TPD52L2: variants seen among roughly 807,000 people sequenced by gnomAD.
TPD52L2 encodes the protein TPD52 like 2.
TPD52L2 carries 19 observed loss-of-function variants against 24.7 expected under a neutral mutation model. The observed-to-expected ratio is 0.77, with a 90% confidence interval of 0.54 to 1.13. The LOEUF is 1.13. Ranked by LOEUF, TPD52L2 falls within the 50% of genes most tolerant of loss-of-function variation. TPD52L2 has a pLI of 0.00. For missense variants in TPD52L2, 236 were observed against 250.4 expected, an observed-to-expected ratio of 0.94 and a Z score of 0.39; for synonymous variants, 104 against 100.2, an observed-to-expected ratio of 1.04 and a Z score of -0.23.
intron 2 of TPD52L2, 29 bp downstream of exon 2, chr20:63,869,470 G>C (rs1171621026): frequency 6.2e-7 from 1 of 1,611,206 alleles, no homozygotes; most frequent in Non-Finnish European, 8.5e-7. Flanking sequence ...CTGTCCTGGG[G>C]TGAATTGGAG....
rs2146227547 is a variant in TPD52L2 at position 63,882,669 on chromosome 20, G to T, written c.375-50G>T. 2.7e-6 allele frequency: 4 copies of T among 1,477,634 alleles called. 1 individual carries two copies. The East Asian group carries it at 9.1e-5, about 33-fold the overall frequency. The allele number at this position is 1,477,634 out of a possible 1,614,324, so 91.5% of individuals were successfully genotyped here. A position where few individuals can be genotyped will look rare whatever the true frequency, so the allele number is the denominator to read the frequency against. ...CAGTGCTTTGTTTGCTTGGCTGTGGGTGGTGACCCGCCCATGCTGTCTGGT... is the reference window on the plus strand; with the variant it reads ...CAGTGCTTTGTTTGCTTGGCTGTGGTTGGTGACCCGCCCATGCTGTCTGGT... On this transcript the variant is annotated intron_variant, in intron 4 of 6. Coordinates refer to ENST00000346249, the MANE Select transcript of TPD52L2 (RefSeq NM_003288.4).
chr20:63,882,111 G>A (rs534605720), intron 4 of TPD52L2, among the ~76,000 whole-genome samples: 8 of 152,374 alleles, frequency 5.3e-5, no homozygotes, highest in African/African-American at 1.7e-4. Context: ...GAAGGCACAC[G>A]GGGCCCCGCC....
At chr20:63,874,054 T>A (rs1293713611) in intron 3 of TPD52L2, among the ~76,000 whole-genome samples, 2 of 152,062 alleles carry the variant, frequency 1.3e-5, no homozygotes, top group Admixed American at 1.3e-4. Flanking sequence ...TTGTGTACTT[T>A]ATTATTATTT....
chr20:63,868,644 T>TA (rs111756675), intron 1 of TPD52L2, among the ~76,000 whole-genome samples: 4 of 152,258 alleles, frequency 2.6e-5, no homozygotes, highest in Non-Finnish European at 2.9e-5. Context: ...TTCCTTTTTT[T>TA]AAAAAAAGTG....
chr20:63,865,523 G>C, intron 1 of TPD52L2, 139 bp downstream of exon 1: 1 of 1,156,282 alleles, frequency 8.6e-7, no homozygotes, highest in Non-Finnish European at 1.2e-6. Context: ...AGCTCCCGGG[G>C]CCACTGACCT....
intron 1 of TPD52L2, among the ~76,000 whole-genome samples, chr20:63,868,217 G>C (rs1230474463): frequency 6.6e-6 from 1 of 152,196 alleles, no homozygotes; most frequent in East Asian, 1.9e-4. Flanking sequence ...CTGGCAGTAA[G>C]CCTGTTTCTT....
intron 5 of TPD52L2, chr20:63,888,879 C>T (rs557959046): frequency 1.1e-5 from 5 of 437,326 alleles, no homozygotes; most frequent in African/African-American, 3.9e-5. Flanking sequence ...AACCTCAGTA[C>T]GAGAGCCCGG....
intron 5 of TPD52L2, 183 bp from the exon 6 acceptor site, chr20:63,889,007 G>A (rs34748855): frequency 0.076 from 48,188 of 630,618 alleles, 2,273 homozygotes; most frequent in Middle Eastern, 0.11. Context: ...GGGCATGGCC[G>A]ACCTCACTTT....
intron 2 of TPD52L2, among the ~76,000 whole-genome samples, chr20:63,869,940 C>T (rs1043739355): frequency 6.6e-6 from 1 of 152,120 alleles, no homozygotes; most frequent in Non-Finnish European, 1.5e-5. Flanking sequence ...TGAGAGCAGC[C>T]TGGGCAACAC....
intron 3 of TPD52L2, among the ~76,000 whole-genome samples, chr20:63,875,141 CAA>C (rs869224477): frequency 0.013 from 1,677 of 131,828 alleles, 30 homozygotes; most frequent in African/African-American, 0.044. Flanking sequence ...GACTCTGTCT[CAA>C]AAAAAAAAAA....
intron 5 of TPD52L2, chr20:63,885,909 C>A: frequency 1.7e-6 from 2 of 1,193,250 alleles, no homozygotes; most frequent in Non-Finnish European, 2.5e-6. Flanking sequence ...CCTGACTGAG[C>A]ACGAGCAGGG....
chr20:63,869,524 G>T (rs755138218), intron 2 of TPD52L2, 83 bp downstream of exon 2: 73 of 1,549,062 alleles, frequency 4.7e-5, no homozygotes, highest in Non-Finnish European at 6.2e-5. Context: ...TACTGGCCAC[G>T]CTCGGGAGGA....
rs760201118 is a variant in TPD52L2, at chr20:63,877,993, G to C, written c.374+2118G>C. On this transcript the variant is annotated intron_variant, in intron 4 of 6. Coordinates refer to ENST00000346249, the MANE Select transcript of TPD52L2 (RefSeq NM_003288.4). This position sits in a 1 kb window ranked among gnomAD's most constrained non-coding sequence, Gnocchi z 4.1. Reference sequence around the variant, plus strand: ...GGCCGAGGGCGGTGGTTTCTGCCGGGACGGCCCAGACGGAAGGGATGCGGC... The same window carrying C: ...GGCCGAGGGCGGTGGTTTCTGCCGGCACGGCCCAGACGGAAGGGATGCGGC... Among the ~76,000 whole-genome samples, 103 of 152,412 alleles carry C rather than the reference G, an allele frequency of 6.8e-4. No homozygotes were observed. The highest frequency in any genetic ancestry group is 1.0e-3 in the Non-Finnish European group (71 of 68,046).
chr20:63,866,055 C>T (rs1443200000), intron 1 of TPD52L2, among the ~76,000 whole-genome samples: 4 of 152,176 alleles, frequency 2.6e-5, no homozygotes, highest in Non-Finnish European at 5.9e-5. Flanking sequence ...AAAAGTCTGC[C>T]TTGCATTTTG....
intron 4 of TPD52L2, among the ~76,000 whole-genome samples, chr20:63,881,473 C>T (rs2052896895): frequency 6.6e-6 from 1 of 152,188 alleles, no homozygotes; most frequent in Non-Finnish European, 1.5e-5. Context: ...GTCACACACT[C>T]TTGTCAACTG....
intron 6 of TPD52L2, 147 bp downstream of exon 6, chr20:63,889,385 T>C: frequency 2.6e-6 from 2 of 776,398 alleles, no homozygotes; most frequent in Admixed American, 2.1e-5. Flanking sequence ...TACACAGTTC[T>C]CTCCTGTGAC....
chr20:63,871,923 C>T (rs886705704), intron 2 of TPD52L2, among the ~76,000 whole-genome samples: 12 of 151,848 alleles, frequency 7.9e-5, no homozygotes, highest in African/African-American at 2.2e-4. Context: ...CATGAGCTAT[C>T]GTACCCGGCC....
chr20:63,865,473 T>C (rs533404327), intron 1 of TPD52L2, 89 bp downstream of exon 1: 5 of 1,456,336 alleles, frequency 3.4e-6, no homozygotes, highest in East Asian at 2.8e-5. Flanking sequence ...CGACTCTCTG[T>C]CCTCTCGGTC....
At chr20:63,869,520 C>T in intron 2 of TPD52L2, 79 bp downstream of exon 2, 2 of 1,573,488 alleles carry the variant, frequency 1.3e-6, no homozygotes, top group East Asian at 2.3e-5. Flanking sequence ...AGGGTACTGG[C>T]CACGCTCGGG....
Sources: gnomAD v4.1 joint callset for allele counts (sites outside exome capture counted in the v4.1 genomes callset) on GRCh38, gnomAD v4.1.1 for gene constraint, Gnocchi (gnomAD v3.1) non-coding constraint, MANE v1.5 for transcripts, NCBI Gene and HGNC (gene_info 2026-07-23, HGNC 2026-07-21) for gene names.